The following RNGTT variants were observed in gnomAD, a reference collection of about 807,000 sequenced individuals.
RNGTT encodes the protein RNA guanylyltransferase and 5'-phosphatase.
In RNGTT, 33 loss-of-function variants were observed where a neutral mutation model predicts 79.3. That is an observed-to-expected ratio of 0.42 (90% CI 0.32 to 0.56). The LOEUF (loss-of-function observed/expected upper bound fraction) is 0.56, where lower values mean the gene tolerates loss of function less well. Ranked by LOEUF, RNGTT falls within the 20% of genes least tolerant of loss-of-function variation. The probability of loss-of-function intolerance (pLI) is 0.17; values close to 1 mark genes in which losing one functional copy is unlikely to be tolerated. For missense variants in RNGTT, 497 were observed against 739.1 expected (o/e 0.67, Z 3.80); for synonymous variants, 222 against 235.9 (o/e 0.94, Z 0.54).
chr6:88,648,644 T>C (rs1773676361), intron 14 of RNGTT, among the ~76,000 whole-genome samples: 1 of 152,186 alleles, frequency 6.6e-6, no homozygotes, highest in Non-Finnish European at 1.5e-5. Flanking sequence ...CATCCTTTTA[T>C]TTCTACAGAG....
At chr6:88,695,263 T>G (rs75520887) in intron 13 of RNGTT, among the ~76,000 whole-genome samples, 12,263 of 151,968 alleles carry the variant, frequency 0.081, 742 homozygotes, top group Non-Finnish European at 0.12. Context: ...AGCGAGACAT[T>G]TGATAAGGGA....
At chr6:88,641,270 C>T (rs1223564899) in intron 14 of RNGTT, among the ~76,000 whole-genome samples, 2 of 149,238 alleles carry the variant, frequency 1.3e-5, no homozygotes, top group South Asian at 2.1e-4. Flanking sequence ...ACCCATGAGG[C>T]GGAGGTTGCA....
chr6:88,849,528 C>T (rs1348048378), intron 10 of RNGTT, among the ~76,000 whole-genome samples: 1 of 151,734 alleles, frequency 6.6e-6, no homozygotes, highest in Non-Finnish European at 1.5e-5. Flanking sequence ...TGCCATTATT[C>T]TTTACTCACT....
chr6:88,787,717 T>TTAC (rs1779278438), intron 12 of RNGTT, among the ~76,000 whole-genome samples: 1 of 151,414 alleles, frequency 6.6e-6, no homozygotes, highest in African/African-American at 2.4e-5. Flanking sequence ...GAATGGATGC[T>TTAC]GTAAGACTGG....
intron 13 of RNGTT, among the ~76,000 whole-genome samples, chr6:88,694,539 A>G (rs1775591227): frequency 6.6e-6 from 1 of 152,158 alleles, no homozygotes; most frequent in Non-Finnish European, 1.5e-5. Context: ...TACAGATTCA[A>G]TACAATCCCT....
chr6:88,937,715 T>C (rs1201218806), intron 2 of RNGTT, among the ~76,000 whole-genome samples: 1 of 152,212 alleles, frequency 6.6e-6, no homozygotes, highest in Non-Finnish European at 1.5e-5. Flanking sequence ...TGCTTTGCTG[T>C]ACTTCTTAGG....
chr6:88,846,850 G>A (rs1025607537), intron 10 of RNGTT, among the ~76,000 whole-genome samples: 5 of 151,654 alleles, frequency 3.3e-5, no homozygotes, highest in East Asian at 1.9e-4. Flanking sequence ...TCACTTTCTC[G>A]GTCTGCAATT....
intron 6 of RNGTT, among the ~76,000 whole-genome samples, chr6:88,901,766 G>C (rs928097132): frequency 2.0e-5 from 3 of 151,758 alleles, no homozygotes; most frequent in Non-Finnish European, 4.4e-5. Flanking sequence ...CTCAGTGCTG[G>C]GATTTCAGGC....
At chr6:88,788,129 G>A (rs563083419) in intron 12 of RNGTT, among the ~76,000 whole-genome samples, 164 of 152,304 alleles carry the variant, frequency 1.1e-3, no homozygotes, top group African/African-American at 3.7e-3. Context: ...TCAAAAGGCA[G>A]TATCAGAGTG....
intron 13 of RNGTT, among the ~76,000 whole-genome samples, chr6:88,688,711 A>T (rs892554174): frequency 6.6e-5 from 10 of 152,226 alleles, no homozygotes; most frequent in African/African-American, 2.2e-4. Flanking sequence ...TATAACCCAT[A>T]AAATAAAATA....
chr6:88,760,985 A>AT (rs35887359), intron 13 of RNGTT, among the ~76,000 whole-genome samples: 205 of 133,458 alleles, frequency 1.5e-3, no homozygotes, highest in East Asian at 5.0e-3. Flanking sequence ...AGCTCATTCT[A>AT]TTTTTTTTTT....
chr6:88,733,615 C>A (rs973454348), intron 13 of RNGTT, among the ~76,000 whole-genome samples: 1 of 149,108 alleles, frequency 6.7e-6, no homozygotes, highest in Non-Finnish European at 1.5e-5. Context: ...AATCACCGAG[C>A]AGGATAAAAA....
chr6:88,657,508 T>C (rs1426766755), intron 14 of RNGTT, among the ~76,000 whole-genome samples: 1 of 152,088 alleles, frequency 6.6e-6, no homozygotes, highest in Non-Finnish European at 1.5e-5. Context: ...TAATTTCAAA[T>C]GAGCACAAGT....
chr6:88,847,965 C>T (rs1457651249), intron 10 of RNGTT, among the ~76,000 whole-genome samples: 1 of 151,268 alleles, frequency 6.6e-6, no homozygotes, highest in East Asian at 1.9e-4. Flanking sequence ...TAAAAATAAA[C>T]CTCAGAAATA....
intron 13 of RNGTT, among the ~76,000 whole-genome samples, chr6:88,725,117 T>C (rs1351985597): frequency 1.3e-5 from 2 of 152,220 alleles, no homozygotes; most frequent in East Asian, 1.9e-4. Context: ...ACTTCACTTA[T>C]AACAATTCCG....
intron 12 of RNGTT, among the ~76,000 whole-genome samples, chr6:88,791,597 T>C (rs1030713412): frequency 2.0e-5 from 3 of 152,300 alleles, no homozygotes; most frequent in African/African-American, 4.8e-5. Context: ...TGGAGTGCAG[T>C]GGCACAATCT....
intron 6 of RNGTT, among the ~76,000 whole-genome samples, chr6:88,897,963 G>A (rs933334704): frequency 2.0e-5 from 3 of 152,064 alleles, no homozygotes; most frequent in Admixed American, 6.6e-5. Flanking sequence ...GACCCCTCAT[G>A]AGAAAAAGAG....
intron 13 of RNGTT, among the ~76,000 whole-genome samples, chr6:88,688,651 GT>G (rs1208721144): frequency 6.6e-6 from 1 of 152,190 alleles, no homozygotes; most frequent in Non-Finnish European, 1.5e-5. Flanking sequence ...ACTTGAAAGA[GT>G]TCCCAATGGT....
chr6:88,780,012 A>G (rs1779012608), intron 12 of RNGTT, among the ~76,000 whole-genome samples: 1 of 150,776 alleles, frequency 6.6e-6, no homozygotes, highest in African/African-American at 2.4e-5. Flanking sequence ...AAATTAATTA[A>G]TTAATCTAGA....
Sources: gnomAD v4.1 joint callset for allele counts (sites outside exome capture counted in the v4.1 genomes callset) on GRCh38, gnomAD v4.1.1 for gene constraint, MANE v1.5 for transcripts, NCBI Gene and HGNC (gene_info 2026-07-23, HGNC 2026-07-21) for gene names.